Variants in RIMBP2 observed in about 807,000 individuals in gnomAD.
The protein encoded by RIMBP2 is RIMS binding protein 2, also known as RIMS-binding protein 2.
A neutral mutation model predicts 118.6 loss-of-function variants in RIMBP2; 48 were observed. The ratio of observed to expected loss-of-function variants is 0.40; its 90% CI spans 0.32 to 0.51. RIMBP2 has a LOEUF of 0.51. RIMBP2 is among the 20% of genes least tolerant of loss of function. The probability of loss-of-function intolerance (pLI) is 0.41; values close to 1 mark genes in which losing one functional copy is unlikely to be tolerated. For missense variants in RIMBP2, 1,551 were observed against 1,768.3 expected, an observed-to-expected ratio of 0.88 and a Z score of 2.20; for synonymous variants, 762 against 742.9, an observed-to-expected ratio of 1.03 and a Z score of -0.42.
intron 12 of RIMBP2, 65 bp from the exon 13 acceptor site, chr12:130,437,356 G>T: frequency 7.3e-7 from 1 of 1,361,064 alleles, no homozygotes; most frequent in Non-Finnish European, 1.0e-6. Context: ...GCAATGGGGA[G>T]CCGACCAGTC....
In RIMBP2 at chr12:130,407,808, C is replaced by T; in HGVS notation, c.3611G>A (p.Arg1204Lys). Residue 1204 changes from arginine to lysine, a missense_variant, in exon 20 of 23, where the codon AGG becomes AAG. Transcript: ENST00000690449. ...EKIERSRRSGRRHSVSTRRMV... is the reference protein window; with the variant it reads ...EKIERSRRSGKRHSVSTRRMV... ...TCTCCGCGTCGATACCGAATGACGCCTGCCACTTCTCCTGCTTCTCTCTGT... is the reference window on the plus strand; with the variant it reads ...TCTCCGCGTCGATACCGAATGACGCTTGCCACTTCTCCTGCTTCTCTCTGT... 6.2e-7 allele frequency: 1 copy of T among 1,613,936 alleles called. No individual in the cohort carries two copies. Among genetic ancestry groups the T allele is most frequent in the Non-Finnish European group, 8.5e-7 (1 of 1,179,846 alleles).
chr12:130,643,736 C>T (rs897683966), intron 1 of RIMBP2, among the ~76,000 whole-genome samples: 7 of 152,176 alleles, frequency 4.6e-5, no homozygotes, highest in African/African-American at 7.2e-5. Context: ...GTGAATAACA[C>T]GGGGCAAGGG....
At chr12:130,484,893 C>G (rs2138274700) in intron 4 of RIMBP2, among the ~76,000 whole-genome samples, 1 of 152,314 alleles carries the variant, frequency 6.6e-6, no homozygotes, top group African/African-American at 2.4e-5. Context: ...CCATGTTCTT[C>G]TTTTGGATTA....
chr12:130,632,747 G>C (rs529844404), intron 1 of RIMBP2, among the ~76,000 whole-genome samples: 1 of 152,328 alleles, frequency 6.6e-6, no homozygotes, highest in Admixed American at 6.5e-5. Context: ...GGTCCAGCAA[G>C]TTAAAGGATT....
At chr12:130,556,817 G>A (rs999150203) in intron 2 of RIMBP2, among the ~76,000 whole-genome samples, 1 of 152,172 alleles carries the variant, frequency 6.6e-6, no homozygotes, top group African/African-American at 2.4e-5. Context: ...GAGCAGGAAG[G>A]GGGTCAGGAT....
intron 2 of RIMBP2, among the ~76,000 whole-genome samples, chr12:130,545,148 T>C (rs575874482): frequency 1.3e-5 from 2 of 152,206 alleles, no homozygotes; most frequent in African/African-American, 2.4e-5. Flanking sequence ...GTGTTTCATT[T>C]GGAAAATTTT....
In RIMBP2 at chr12:130,523,868, T is replaced by C. The variant is rs2052453413; in HGVS notation, c.-216-5951A>G. Among the ~76,000 whole-genome samples the C allele has an allele frequency of 6.6e-6, 1 of 152,146 alleles. No individual in the cohort carries two copies. Among genetic ancestry groups the C allele is most frequent in the African/African-American group, 2.4e-5 (1 of 41,436 alleles). On this transcript the variant is annotated intron_variant, in intron 2 of 22. Coordinates refer to ENST00000690449, the MANE Select transcript of RIMBP2 (RefSeq NM_001393629.1). The surrounding 1 kb of genome is among the most constrained non-coding windows in gnomAD (Gnocchi z 4.4). The stretch of plus-strand genomic sequence containing the variant: ...GAGAGGAATTCTCGGTATCTCCTGA[T>C]ACAGGTCTGGTCTCAGAGGTGGGGA...
intron 2 of RIMBP2, among the ~76,000 whole-genome samples, chr12:130,592,821 G>A (rs1275579735): frequency 6.6e-6 from 1 of 152,164 alleles, no homozygotes; most frequent in Non-Finnish European, 1.5e-5. Context: ...TGTTTCCCAG[G>A]CAGGGAAATC....
At chr12:130,649,396 G>C (rs2063128651) in intron 1 of RIMBP2, among the ~76,000 whole-genome samples, 2 of 152,178 alleles carry the variant, frequency 1.3e-5, no homozygotes, top group African/African-American at 2.4e-5. Context: ...CATGGCCTCC[G>C]CATCCAGCCA....
intron 1 of RIMBP2, among the ~76,000 whole-genome samples, chr12:130,706,439 A>G (rs1262719936): frequency 6.6e-6 from 1 of 152,270 alleles, no homozygotes; most frequent in Non-Finnish European, 1.5e-5. Flanking sequence ...GGGGCCTGCC[A>G]GCCTGGCTCC....
At chr12:130,439,675 GTGTA>G (rs1304739184) in intron 11 of RIMBP2, among the ~76,000 whole-genome samples, 4 of 109,628 alleles carry the variant, frequency 3.6e-5, no homozygotes, top group Admixed American at 9.8e-5. Context: ...TGTGTGGGGG[GTGTA>G]TGTGTTTTTG....
intron 4 of RIMBP2, among the ~76,000 whole-genome samples, chr12:130,501,053 C>G (rs922916421): frequency 6.6e-6 from 1 of 152,168 alleles, no homozygotes; most frequent in Non-Finnish European, 1.5e-5. Flanking sequence ...GACCCTGAAC[C>G]GCACATCCCC....
intron 1 of RIMBP2, among the ~76,000 whole-genome samples, chr12:130,664,939 C>G (rs1300992882): frequency 6.6e-6 from 1 of 151,672 alleles, no homozygotes. Flanking sequence ...GGAAAACTGC[C>G]CCTTGTACTA....
At chr12:130,417,021 C>T (rs955947720) in intron 17 of RIMBP2, among the ~76,000 whole-genome samples, 21 of 151,196 alleles carry the variant, frequency 1.4e-4, no homozygotes, top group African/African-American at 4.6e-4. Context: ...TAGAGAAATC[C>T]AAGACAAAAT....
chr12:130,422,406 C>A lies in RIMBP2; in HGVS notation c.3238+47G>T. ...CATGCTTAGATGGAGTAAGCAGCCA[C>A]ATGCTCCGCGGCTGAAAGACACAAC... On this transcript the variant is annotated intron_variant, in intron 17 of 22. Coordinates refer to ENST00000690449, the MANE Select transcript of RIMBP2 (RefSeq NM_001393629.1). The surrounding 1 kb of genome is among the most constrained non-coding windows in gnomAD (Gnocchi z 5.2). 1 of 1,379,574 alleles carries A rather than the reference C, an allele frequency of 7.2e-7. No individual in the cohort carries two copies. The highest frequency in any genetic ancestry group is 1.0e-6 in the Non-Finnish European group (1 of 978,156). 85.5% of individuals were successfully genotyped at this position (1,379,574 alleles called of 1,614,324 possible).
intron 11 of RIMBP2, among the ~76,000 whole-genome samples, chr12:130,439,292 TGTGG>T (rs1469330028): frequency 6.6e-6 from 1 of 151,904 alleles, no homozygotes; most frequent in Non-Finnish European, 1.5e-5. Flanking sequence ...TGTGTGTATA[TGTGG>T]GTGTGTGTGT....
intron 2 of RIMBP2, among the ~76,000 whole-genome samples, chr12:130,541,869 G>A (rs745968695): frequency 6.6e-6 from 1 of 152,196 alleles, no homozygotes; most frequent in Non-Finnish European, 1.5e-5. Flanking sequence ...CTAGCTCATG[G>A]GATGCCTTTA....
intron 2 of RIMBP2, among the ~76,000 whole-genome samples, chr12:130,561,535 T>A (rs1212094314): frequency 6.6e-6 from 1 of 152,088 alleles, no homozygotes; most frequent in Admixed American, 6.6e-5. Flanking sequence ...TCTCCTTGAT[T>A]CAGAGAACCC....
intron 14 of RIMBP2, chr12:130,430,625 A>AT (rs11392769): frequency 0.78 from 72,562 of 93,162 alleles, 28,806 homozygotes; most frequent in South Asian, 0.9. Context: ...TGGGACAGTC[A>AT]TTTTTTTTTT....
Sources: gnomAD v4.1 joint callset for allele counts (sites outside exome capture counted in the v4.1 genomes callset) on GRCh38, gnomAD v4.1.1 for gene constraint, Gnocchi (gnomAD v3.1) non-coding constraint, MANE v1.5 for transcripts, NCBI Gene and HGNC (gene_info 2026-07-23, HGNC 2026-07-21) for gene names.